The following SEC24D variants were observed in gnomAD, a reference collection of about 807,000 sequenced individuals.
The protein encoded by SEC24D is protein transport protein Sec24D.
A neutral mutation model predicts 116.9 loss-of-function variants in SEC24D; 69 were observed. The observed-to-expected ratio is 0.59, with a 90% CI of 0.49 to 0.72. SEC24D has a LOEUF of 0.72. Among genes scored for constraint, SEC24D ranks in the 30% least tolerant of loss-of-function variants. The pLI is 0.00. For missense variants in SEC24D, 1,131 were observed against 1,264.1 expected (o/e 0.89, Z 1.60); for synonymous variants, 405 against 442.8 (o/e 0.91, Z 1.07).
chr4:118,788,557 T>C (rs1240066764), intron 8 of SEC24D, among the ~76,000 whole-genome samples: 1 of 152,210 alleles, frequency 6.6e-6, no homozygotes, highest in Non-Finnish European at 1.5e-5. Context: ...CTCTCATTAA[T>C]ATGTGATAGA....
At chr4:118,782,526 G>A (rs1232014132) in intron 8 of SEC24D, among the ~76,000 whole-genome samples, 3 of 152,222 alleles carry the variant, frequency 2.0e-5, no homozygotes, top group African/African-American at 7.2e-5. Context: ...GTCCCAGTAG[G>A]TGTCTCCCCA....
chr4:118,793,244 G>A (rs184743912), intron 8 of SEC24D, among the ~76,000 whole-genome samples: 3 of 151,894 alleles, frequency 2.0e-5, no homozygotes, highest in Non-Finnish European at 4.4e-5. Context: ...GAGGCGGGCG[G>A]ATCACGAGGT....
chr4:118,805,378 A>G (rs1729632270), intron 7 of SEC24D, among the ~76,000 whole-genome samples: 1 of 152,194 alleles, frequency 6.6e-6, no homozygotes, highest in Non-Finnish European at 1.5e-5. Flanking sequence ...AACAGCAGAG[A>G]TGCAGCTCAG....
chr4:118,802,072 T>C (rs990551126), intron 7 of SEC24D, among the ~76,000 whole-genome samples: 1 of 151,998 alleles, frequency 6.6e-6, no homozygotes, highest in Non-Finnish European at 1.5e-5. Flanking sequence ...ACAGTAAAAA[T>C]AGATCATTGC....
chr4:118,798,941 A>C (rs1729302560), intron 7 of SEC24D, among the ~76,000 whole-genome samples: 1 of 152,220 alleles, frequency 6.6e-6, no homozygotes. Flanking sequence ...AGGCCAGATG[A>C]GGTAGACTCT....
intron 8 of SEC24D, among the ~76,000 whole-genome samples, chr4:118,789,201 T>C (rs1472373768): frequency 6.6e-6 from 1 of 152,176 alleles, no homozygotes. Flanking sequence ...TCATCATCTA[T>C]AAAAGTGGGA....
At chr4:118,796,794 C>T (rs948466105) in intron 8 of SEC24D, among the ~76,000 whole-genome samples, 8 of 152,194 alleles carry the variant, frequency 5.3e-5, no homozygotes, top group African/African-American at 1.9e-4. Context: ...GCTAGGTGTA[C>T]ATTACATCAG....
rs199632896 is a variant in SEC24D, at chr4:118,788,809, T to TA, written c.1041+8873dup. 2.2e-3 allele frequency among the ~76,000 whole-genome samples: 331 copies of TA among 152,142 alleles called. 4 individuals are homozygous for TA. In the East Asian group the frequency reaches 0.05, roughly 23 times the overall value. On this transcript the variant is annotated intron_variant, in intron 8 of 22. Coordinates refer to ENST00000280551, the MANE Select transcript of SEC24D (RefSeq NM_014822.4). Reference sequence around the variant, plus strand: ...AAGGAACAACTAAGATTCACTGTGCTAAAAAAAATTAGAGGCCTAAAATAC... The same window carrying TA: ...AAGGAACAACTAAGATTCACTGTGCTAAAAAAAAATTAGAGGCCTAAAATAC...
chr4:118,763,770 T>C (rs1345538179), intron 10 of SEC24D, among the ~76,000 whole-genome samples: 1 of 152,150 alleles, frequency 6.6e-6, no homozygotes, highest in East Asian at 1.9e-4. Context: ...ACCTATCCCA[T>C]GGCAGATAGT....
In SEC24D at chr4:118,745,077, A is replaced by C. The variant is rs1560627134; in HGVS notation, c.1708-17T>G. 5 of 1,295,542 alleles carry C rather than the reference A, an allele frequency of 3.9e-6. No homozygotes were observed. Among genetic ancestry groups the C allele is most frequent in the Non-Finnish European group, 4.4e-6 (4 of 917,132 alleles). 80.3% of individuals were successfully genotyped at this position (1,295,542 alleles called of 1,614,324 possible). A position where few individuals can be genotyped will look rare whatever the true frequency, so the allele number is the denominator to read the frequency against. Reference sequence around the variant, plus strand: ...GTCTGCTGCCTAAAAAAAAAAAAAAACCCAAAAACCCACAGAAAATGCCGT... The same window carrying C: ...GTCTGCTGCCTAAAAAAAAAAAAAACCCCAAAAACCCACAGAAAATGCCGT... On this transcript the variant is annotated splice_polypyrimidine_tract_variant and intron_variant, in intron 13 of 22. Transcript: ENST00000280551.
At chr4:118,788,345 C>T (rs2110494517) in intron 8 of SEC24D, among the ~76,000 whole-genome samples, 1 of 152,286 alleles carries the variant, frequency 6.6e-6, no homozygotes, top group African/African-American at 2.4e-5. Context: ...CAGGCTTCTC[C>T]CTCTTAGAAA....
chr4:118,786,180 C>T (rs1728658622), intron 8 of SEC24D, among the ~76,000 whole-genome samples: 2 of 152,246 alleles, frequency 1.3e-5, no homozygotes, highest in East Asian at 3.9e-4. Flanking sequence ...CATGACAATG[C>T]TATATTCCTG....
At chr4:118,793,295 G>A (rs1051717035) in intron 8 of SEC24D, among the ~76,000 whole-genome samples, 7 of 151,284 alleles carry the variant, frequency 4.6e-5, no homozygotes, top group African/African-American at 1.7e-4. Context: ...GTGAAACCCC[G>A]TCTCTACTAA....
Position 118,740,954 on chromosome 4 carries a change from A to G in SEC24D, c.2079T>C (p.Val693=). 1 of 1,600,630 alleles carries G rather than the reference A, an allele frequency of 6.2e-7. No homozygotes were observed. Among genetic ancestry groups the G allele is most frequent in the Non-Finnish European group, 8.5e-7 (1 of 1,172,018 alleles). ...AATGATAATTACCTGTGCTGGTACG[A>G]ACCCTCATAATAGCATCAAAGCCTA... ...KKIGFDAIMR[V]RTSTGFRATD... Residue 693 remains valine (V), a synonymous_variant, in exon 16 of 23, where the codon GTT becomes GTC. Transcript: ENST00000280551.
At position 118,805,933 on chromosome 4, in the gene SEC24D, T is replaced by C; in HGVS notation, c.823A>G (p.Arg275Gly). 6.3e-7 allele frequency: 1 copy of C among 1,597,204 alleles called. No individual in the cohort carries two copies. The highest frequency in any genetic ancestry group is 8.5e-7 in the Non-Finnish European group (1 of 1,172,666). ...PSPIQVIEND[R>G]ASRGGQVYAT... ...TAAACTTGTCCTCCTCTGCTGGCTC[T>C]ATCATTCTCAATCACCTGGATCTGA... The change falls in exon 7 of 23, where the codon AGA becomes GGA. Residue 275 changes from arginine to glycine, a missense_variant. Physicochemically the swap from Arg to Gly is moderately radical, Grantham distance 125. Coordinates refer to ENST00000280551, the MANE Select transcript of SEC24D (RefSeq NM_014822.4).
At chr4:118,792,750 C>CT (rs1290841758) in intron 8 of SEC24D, among the ~76,000 whole-genome samples, 1 of 152,176 alleles carries the variant, frequency 6.6e-6, no homozygotes, top group African/African-American at 2.4e-5. Context: ...GACACAAAGA[C>CT]TGCGGAAGGC....
chr4:118,833,829 T>C (rs1730978972), intron 1 of SEC24D, 92 bp from the exon 2 acceptor site: 2 of 622,222 alleles, frequency 3.2e-6, no homozygotes, highest in Non-Finnish European at 5.6e-6. Flanking sequence ...ATGTTTATGA[T>C]GGTTTGAGGA....
intron 22 of SEC24D, among the ~76,000 whole-genome samples, chr4:118,725,616 G>GT (rs3215012): frequency 0.024 from 3,528 of 146,358 alleles, 119 homozygotes; most frequent in African/African-American, 0.079. Context: ...ATTCACTTGG[G>GT]TTTTTTTTTT....
At chr4:118,761,160 T>G (rs527909705) in intron 10 of SEC24D, among the ~76,000 whole-genome samples, 1 of 152,214 alleles carries the variant, frequency 6.6e-6, no homozygotes, top group African/African-American at 2.4e-5. Flanking sequence ...AACTGTCTGA[T>G]GCTCAATACA....
Sources: gnomAD v4.1 joint callset for allele counts (sites outside exome capture counted in the v4.1 genomes callset) on GRCh38, gnomAD v4.1.1 for gene constraint, MANE v1.5 for transcripts, NCBI Gene and HGNC (gene_info 2026-07-23, HGNC 2026-07-21) for gene names.